FCHO2: variants seen among roughly 807,000 people sequenced by gnomAD.
FCHO2 encodes F-BAR domain only protein 2.
In FCHO2, 43 loss-of-function variants were observed where a neutral mutation model predicts 114.1. The ratio of observed to expected loss-of-function variants is 0.38; its 90% CI spans 0.30 to 0.49. FCHO2 has a LOEUF of 0.49. Ranked by LOEUF, FCHO2 falls within the 20% of genes least tolerant of loss-of-function variation. The pLI is 0.97. For synonymous variants in FCHO2, 293 were observed against 315.2 expected (o/e 0.93, Z 0.75); for missense variants, 807 against 950.4 (o/e 0.85, Z 1.98).
intron 2 of FCHO2, among the ~76,000 whole-genome samples, chr5:72,978,922 C>G (rs966138184): frequency 6.6e-6 from 1 of 152,142 alleles, no homozygotes; most frequent in East Asian, 1.9e-4. Flanking sequence ...TATTGATTTG[C>G]GTATGTTGAA....
intron 17 of FCHO2, among the ~76,000 whole-genome samples, chr5:73,061,534 G>T (rs1757852426): frequency 1.3e-5 from 2 of 152,016 alleles, no homozygotes; most frequent in South Asian, 4.2e-4. Flanking sequence ...ATTTGCCTGG[G>T]TGTGTGATAA....
chr5:73,074,146 C>T (rs544923554), intron 19 of FCHO2, among the ~76,000 whole-genome samples: 1 of 150,020 alleles, frequency 6.7e-6, no homozygotes, highest in Non-Finnish European at 1.5e-5. Context: ...TGATTTGACT[C>T]TAAAAGGTGT....
intron 1 of FCHO2, among the ~76,000 whole-genome samples, chr5:72,964,381 T>G (rs1447504368): frequency 6.6e-6 from 1 of 152,194 alleles, no homozygotes; most frequent in African/African-American, 2.4e-5. Context: ...TTCTACATAC[T>G]TTATTTCATT....
chr5:72,965,211 A>G (rs528777262), intron 1 of FCHO2, among the ~76,000 whole-genome samples: 1 of 152,294 alleles, frequency 6.6e-6, no homozygotes, highest in Non-Finnish European at 1.5e-5. Context: ...CTTGCATACA[A>G]AGGCATACCT....
intron 18 of FCHO2, among the ~76,000 whole-genome samples, chr5:73,066,416 G>A (rs992354578): frequency 6.6e-6 from 1 of 151,720 alleles, no homozygotes; most frequent in African/African-American, 2.4e-5. Context: ...TGTCCTTATG[G>A]TTTCTTAGCA....
At chr5:73,010,367 G>T (rs1413171529) in intron 6 of FCHO2, among the ~76,000 whole-genome samples, 1 of 152,154 alleles carries the variant, frequency 6.6e-6, no homozygotes, top group East Asian at 1.9e-4. Flanking sequence ...ACAGAATATG[G>T]AGATTTTGTT....
At chr5:72,997,787 A>T (rs1405712364) in intron 5 of FCHO2, 2 of 1,282,926 alleles carry the variant, frequency 1.6e-6, no homozygotes, top group South Asian at 1.5e-5. Flanking sequence ...GAAGCCCTAC[A>T]CTCCACTTGG....
At chr5:73,014,849 C>T (rs1397104089) in intron 6 of FCHO2, among the ~76,000 whole-genome samples, 1 of 151,898 alleles carries the variant, frequency 6.6e-6, no homozygotes, top group Non-Finnish European at 1.5e-5. Context: ...GAGGCTGAGG[C>T]AGGTGGATCA....
chr5:73,015,561 T>A, intron 6 of FCHO2, 65 bp from the exon 7 acceptor site: 1 of 975,414 alleles, frequency 1.0e-6, no homozygotes, highest in African/African-American at 1.7e-5. Context: ...GCTCTTTTGA[T>A]TCCAGAATAT....
intron 2 of FCHO2, among the ~76,000 whole-genome samples, chr5:72,974,064 G>C (rs1260777749): frequency 1.3e-5 from 2 of 150,050 alleles, no homozygotes; most frequent in Non-Finnish European, 3.0e-5. Context: ...TGTGGTCTGA[G>C]AGATAGTTTG....
intron 8 of FCHO2, among the ~76,000 whole-genome samples, chr5:73,031,085 A>G (rs962761413): frequency 1.2e-4 from 18 of 152,016 alleles, no homozygotes; most frequent in Non-Finnish European, 2.4e-4. Flanking sequence ...TACCCTGTGC[A>G]TATCACCACA....
At chr5:73,009,526 GTTTT>G (rs1018429427) in intron 6 of FCHO2, among the ~76,000 whole-genome samples, 3 of 151,762 alleles carry the variant, frequency 2.0e-5, no homozygotes, top group Non-Finnish European at 2.9e-5. Flanking sequence ...TGCCTTTCTG[GTTTT>G]TTTGTTTGTT....
rs3054234 is a variant in FCHO2 at position 73,066,575 on chromosome 5, CTTTTTTTTTTT to C, written c.1450-2066_1450-2056del. Among the ~76,000 whole-genome samples the C allele has an allele frequency of 1.5e-4, 15 of 101,450 alleles. No homozygotes were observed. In the East Asian group the frequency reaches 3.0e-3, roughly 21 times the overall value. The allele number at this position is 101,450 out of a possible 152,430, so 66.6% of individuals were successfully genotyped here. ...CCAGCTGTACATTGGAGTGCCTTTTCTTTTTTTTTTTTTTTTTTTGCATGCTCATATGTGCA... is the reference window on the plus strand; with the variant it reads ...CCAGCTGTACATTGGAGTGCCTTTTCTTTTTTTTGCATGCTCATATGTGCA... On this transcript the variant is annotated intron_variant, in intron 18 of 25. Transcript: ENST00000430046.
chr5:73,048,049 A>G (rs979036456), intron 11 of FCHO2, among the ~76,000 whole-genome samples: 2 of 151,048 alleles, frequency 1.3e-5, no homozygotes, highest in Non-Finnish European at 3.0e-5. Context: ...TGCCAGCTCT[A>G]CTGCTGGTCT....
intron 10 of FCHO2, among the ~76,000 whole-genome samples, chr5:73,038,421 A>G (rs1756639484): frequency 6.6e-6 from 1 of 152,230 alleles, no homozygotes; most frequent in Non-Finnish European, 1.5e-5. Flanking sequence ...GTCCATTTAG[A>G]TTGAAGAGAC....
intron 8 of FCHO2, among the ~76,000 whole-genome samples, chr5:73,018,184 AC>A (rs1367156564): frequency 6.6e-6 from 1 of 152,120 alleles, no homozygotes; most frequent in Non-Finnish European, 1.5e-5. Context: ...AAGGCTTGAA[AC>A]CTAAATCATC....
intron 2 of FCHO2, among the ~76,000 whole-genome samples, chr5:72,976,733 A>T: frequency 6.6e-6 from 1 of 152,032 alleles, no homozygotes; most frequent in Admixed American, 6.6e-5. Flanking sequence ...TGAACCTGTC[A>T]TCCACATTAG....
intron 24 of FCHO2, among the ~76,000 whole-genome samples, chr5:73,085,757 A>G (rs1272675983): frequency 2.0e-5 from 3 of 151,152 alleles, no homozygotes; most frequent in Non-Finnish European, 2.9e-5. Context: ...CTTGGGCCTT[A>G]GAGGGAGACT....
At chr5:73,058,547 G>T in intron 17 of FCHO2, 23 bp downstream of exon 17, 8 of 936,690 alleles carry the variant, frequency 8.5e-6, no homozygotes, top group Non-Finnish European at 1.2e-5. Flanking sequence ...ATGTATATAT[G>T]TATTTTTTTA....
Sources: allele counts gnomAD v4.1 joint callset (sites outside exome capture counted in the v4.1 genomes callset), GRCh38; gene constraint gnomAD v4.1.1; transcripts MANE v1.5; gene names NCBI Gene and HGNC (gene_info 2026-07-23, HGNC 2026-07-21).